The following VPS8 variants were observed in gnomAD, a reference collection of about 807,000 sequenced individuals.
The protein encoded by VPS8 is VPS8 subunit of CORVET complex.
In VPS8, 129 loss-of-function variants were observed where a neutral mutation model predicts 216.4. The observed-to-expected ratio is 0.60, with a 90% CI of 0.52 to 0.69. The LOEUF (loss-of-function observed/expected upper bound fraction) is 0.69. Among genes scored for constraint, VPS8 ranks in the 30% least tolerant of loss-of-function variants. The pLI is 0.00. For synonymous variants in VPS8, 571 were observed against 565.4 expected, an observed-to-expected ratio of 1.01 and a Z score of -0.14; for missense variants, 1,531 against 1,683.5, an observed-to-expected ratio of 0.91 and a Z score of 1.59.
chr3:184,895,263 A>G (rs996629097), intron 23 of VPS8, among the ~76,000 whole-genome samples: 2 of 152,160 alleles, frequency 1.3e-5, no homozygotes, highest in African/African-American at 4.8e-5. Context: ...GTTCACTAAT[A>G]TAATTTTCAT....
intron 40 of VPS8, among the ~76,000 whole-genome samples, chr3:184,975,954 C>T (rs1749192091): frequency 6.6e-6 from 1 of 152,154 alleles, no homozygotes; most frequent in Non-Finnish European, 1.5e-5. Context: ...GGGGTGCCAA[C>T]CCCCTTGCAG....
chr3:184,872,625 A>T (rs1728547065), intron 21 of VPS8, among the ~76,000 whole-genome samples: 1 of 152,116 alleles, frequency 6.6e-6, no homozygotes, highest in South Asian at 2.1e-4. Context: ...GAAGGAAACA[A>T]TGGAGGGGAC....
chr3:184,898,680 G>T (rs116821544), intron 24 of VPS8, 26 bp downstream of exon 24: 1 of 1,494,182 alleles, frequency 6.7e-7, no homozygotes. Flanking sequence ...ACTTGGATAC[G>T]TAATTAATTT....
chr3:184,851,695 T>C (rs1338596087), intron 10 of VPS8, among the ~76,000 whole-genome samples: 1 of 152,048 alleles, frequency 6.6e-6, no homozygotes, highest in Non-Finnish European at 1.5e-5. Context: ...TAACTATGCG[T>C]GTGTTTGGGT....
At chr3:184,985,926 G>A (rs1294799931) in intron 42 of VPS8, among the ~76,000 whole-genome samples, 1 of 152,182 alleles carries the variant, frequency 6.6e-6, no homozygotes, top group Non-Finnish European at 1.5e-5. Flanking sequence ...ATAGAGACGA[G>A]GAGAGGAGAC....
chr3:184,898,782 C>T, intron 24 of VPS8, 128 bp downstream of exon 24: 1 of 708,262 alleles, frequency 1.4e-6, no homozygotes, highest in African/African-American at 1.9e-5. Context: ...ATTTATTGAC[C>T]TTGAACCCAT....
intron 40 of VPS8, among the ~76,000 whole-genome samples, chr3:184,977,410 GT>G (rs1749458264): frequency 6.6e-6 from 1 of 152,060 alleles, no homozygotes; most frequent in African/African-American, 2.4e-5. Flanking sequence ...TAGGTTGTGT[GT>G]TTACTCCATT....
At chr3:184,982,485 T>C (rs1750374081) in intron 40 of VPS8, 81 bp from the exon 41 acceptor site, 3 of 967,940 alleles carry the variant, frequency 3.1e-6, no homozygotes, top group East Asian at 2.4e-5. Flanking sequence ...TAAAACATCA[T>C]GCTGATGTTA....
intron 31 of VPS8, among the ~76,000 whole-genome samples, chr3:184,927,554 A>G (rs1033377832): frequency 7.2e-5 from 11 of 152,148 alleles, no homozygotes; most frequent in African/African-American, 2.4e-4. Context: ...ATGAGCTCCA[A>G]TATTTTTGTT....
intron 36 of VPS8, among the ~76,000 whole-genome samples, chr3:184,951,947 G>A (rs532671932): frequency 6.1e-4 from 93 of 152,222 alleles, no homozygotes; most frequent in Admixed American, 3.5e-3. Flanking sequence ...GATTTGCTTG[G>A]TTTGATGCAT....
Position 184,928,517 on chromosome 3 carries a change from G to A in VPS8, c.2698G>A (p.Ala900Thr). 1 of 1,517,346 alleles carries A rather than the reference G, an allele frequency of 6.6e-7. No homozygotes were observed. Among genetic ancestry groups the A allele is most frequent in the Non-Finnish European group, 8.7e-7 (1 of 1,144,526 alleles). The allele number at this position is 1,517,346 out of a possible 1,614,324, so 94.0% of individuals were successfully genotyped here. ...TGAAGAGAGTCGACTCATCCGGATG[G>A]CAGAAAAAGCTGAGTTGTAAGTTGT... Reference protein sequence around the residue: ...QFEESRLIRMAEKAEFYQICE... With the variant: ...QFEESRLIRMTEKAEFYQICE... The change falls in exon 32 of 48, where the codon GCA (alanine) becomes ACA (threonine). Residue 900 changes from alanine to threonine, a missense_variant. By Grantham distance (58) the Ala-to-Thr change is moderately conservative. Around this residue, in one of 3 missense-constraint regions of VPS8, gnomAD observed 1,318 missense variants for 1,468.4 expected, o/e 0.90. Coordinates refer to ENST00000625842, the MANE Select transcript of VPS8 (RefSeq NM_001009921.3).
intron 21 of VPS8, among the ~76,000 whole-genome samples, chr3:184,877,423 G>T (rs867990261): frequency 7.9e-5 from 12 of 152,182 alleles, no homozygotes; most frequent in African/African-American, 7.2e-5. Context: ...TGTAGAGCTT[G>T]CTTTGAAAGC....
chr3:185,048,638 TC>T, intron 47 of VPS8, 79 bp downstream of exon 47: 1 of 1,506,380 alleles, frequency 6.6e-7, no homozygotes, highest in Non-Finnish European at 9.1e-7. Context: ...TCTTGGAACC[TC>T]CCTCTAGCCT....
intron 25 of VPS8, among the ~76,000 whole-genome samples, chr3:184,905,757 T>G (rs1039692629): frequency 6.6e-6 from 1 of 151,966 alleles, no homozygotes; most frequent in Admixed American, 6.6e-5. Flanking sequence ...ACTAAGGCAA[T>G]TCACAAAAGA....
At chr3:185,027,897 A>C (rs1757612798) in intron 46 of VPS8, among the ~76,000 whole-genome samples, 2 of 152,214 alleles carry the variant, frequency 1.3e-5, no homozygotes. Flanking sequence ...TGGTTTATGC[A>C]AAACTTGGGA....
rs372246034 is a variant in VPS8 at position 184,942,160 on chromosome 3, C to CAA, written c.3035+1925_3035+1926dup. ...CGGTCACTATTTAAAATAAATATTA[C>CAA]AAAAAAAAAGGCATATCACAAGTAT... is the stretch of plus-strand genomic sequence containing the variant. On this transcript the variant is annotated intron_variant, in intron 36 of 47. Coordinates refer to ENST00000625842, the MANE Select transcript of VPS8 (RefSeq NM_001009921.3). Among the ~76,000 whole-genome samples the CAA allele has an allele frequency of 7.1e-4, 107 of 150,232 alleles. 2 individuals carry two copies. Among genetic ancestry groups the CAA allele is most frequent in the African/African-American group, 2.5e-3 (103 of 40,982 alleles).
chr3:184,817,109 AT>A (rs1394884263), intron 1 of VPS8: 1 of 152,178 alleles, frequency 6.6e-6, no homozygotes, highest in Non-Finnish European at 1.5e-5. Flanking sequence ...TGATTTAAAA[AT>A]ATCTCTCCTA....
intron 14 of VPS8, 37 bp downstream of exon 14, chr3:184,855,855 A>G (rs1322489294): frequency 1.3e-6 from 2 of 1,510,166 alleles, no homozygotes; most frequent in Non-Finnish European, 1.8e-6. Context: ...GCCTCTTACA[A>G]TTTTTTTTAT....
intron 5 of VPS8, among the ~76,000 whole-genome samples, chr3:184,837,424 G>C (rs1282399868): frequency 2.6e-5 from 4 of 152,138 alleles, no homozygotes; most frequent in Non-Finnish European, 5.9e-5. Flanking sequence ...TAGAGTTTTT[G>C]ACCTTCATCT....
Sources: gnomAD v4.1 joint callset for allele counts (sites outside exome capture counted in the v4.1 genomes callset) on GRCh38, gnomAD v4.1.1 for gene constraint, gnomAD v4.1.1 regional missense constraint, MANE v1.5 for transcripts, NCBI Gene and HGNC (gene_info 2026-07-23, HGNC 2026-07-21) for gene names.